CAMK1D: variants seen among roughly 807,000 people sequenced by gnomAD.
CAMK1D encodes the protein calcium/calmodulin dependent protein kinase ID.
A neutral mutation model predicts 47.7 loss-of-function variants in CAMK1D; 9 were observed. The observed-to-expected ratio is 0.19, with a 90% CI of 0.11 to 0.33. The LOEUF is 0.33. Ranked by LOEUF, CAMK1D falls within the 10% of genes least tolerant of loss-of-function variation. The pLI is 1.00. For missense variants in CAMK1D, 291 were observed against 488.7 expected (o/e 0.60, Z 3.81); for synonymous variants, 184 against 184.9 (o/e 0.99, Z 0.04).
At chr10:12,435,318 G>A (rs1351303599) in intron 1 of CAMK1D, among the ~76,000 whole-genome samples, 4 of 149,506 alleles carry the variant, frequency 2.7e-5, no homozygotes, top group Non-Finnish European at 4.4e-5. Context: ...TGATGGATCC[G>A]CCCTAGGTTT....
chr10:12,485,342 C>T (rs1470049686), intron 1 of CAMK1D, among the ~76,000 whole-genome samples: 2 of 152,134 alleles, frequency 1.3e-5, no homozygotes, highest in East Asian at 3.9e-4. Flanking sequence ...GTCAGAGCTT[C>T]CTGGGGATTC....
intron 2 of CAMK1D, among the ~76,000 whole-genome samples, chr10:12,556,347 A>C (rs961604390): frequency 7.2e-5 from 11 of 152,310 alleles, no homozygotes; most frequent in Admixed American, 5.2e-4. Flanking sequence ...CTGAGTTTAG[A>C]TAAGGTGCTC....
At chr10:12,779,219 G>C (rs970602971) in intron 5 of CAMK1D, among the ~76,000 whole-genome samples, 1 of 152,188 alleles carries the variant, frequency 6.6e-6, no homozygotes, top group Non-Finnish European at 1.5e-5. Flanking sequence ...ATTAAGTCAA[G>C]TATAACATTC....
intron 1 of CAMK1D, among the ~76,000 whole-genome samples, chr10:12,508,259 C>T (rs1312658071): frequency 1.3e-5 from 2 of 152,228 alleles, no homozygotes; most frequent in African/African-American, 4.8e-5. Flanking sequence ...CCCAAATTTC[C>T]GTTGACGGAT....
intron 4 of CAMK1D, among the ~76,000 whole-genome samples, chr10:12,762,396 G>C (rs1174037459): frequency 6.6e-6 from 1 of 152,160 alleles, no homozygotes; most frequent in Non-Finnish European, 1.5e-5. Context: ...CTGCTACTGG[G>C]TATTAAGGAA....
At chr10:12,506,239 C>A (rs375966761) in intron 1 of CAMK1D, among the ~76,000 whole-genome samples, 1 of 151,842 alleles carries the variant, frequency 6.6e-6, no homozygotes, top group Non-Finnish European at 1.5e-5. Flanking sequence ...GCCAACATGG[C>A]GAAACCCCCG....
chr10:12,771,910 T>C (rs1283437478), intron 5 of CAMK1D, among the ~76,000 whole-genome samples: 1 of 152,106 alleles, frequency 6.6e-6, no homozygotes, highest in Non-Finnish European at 1.5e-5. Flanking sequence ...GGCTCACACC[T>C]GTAGTCCCAG....
intron 3 of CAMK1D, among the ~76,000 whole-genome samples, chr10:12,741,898 G>A (rs1355021237): frequency 6.6e-6 from 1 of 152,130 alleles, no homozygotes; most frequent in Non-Finnish European, 1.5e-5. Flanking sequence ...CTCATTGTCT[G>A]GATGTGAGCT....
chr10:12,539,692 G>A (rs1161307386), intron 1 of CAMK1D, among the ~76,000 whole-genome samples: 1 of 152,220 alleles, frequency 6.6e-6, no homozygotes, highest in Non-Finnish European at 1.5e-5. Context: ...AGGAGATCTG[G>A]GAAGACCATA....
chr10:12,722,833 T>G (rs970787593), intron 3 of CAMK1D, among the ~76,000 whole-genome samples: 7 of 152,200 alleles, frequency 4.6e-5, no homozygotes, highest in African/African-American at 1.7e-4. Flanking sequence ...TGGGAACTAC[T>G]TGGAACAAGA....
rs564681248 is a variant in CAMK1D, at chr10:12,743,194, A to G, written c.300-17754A>G. Among the ~76,000 whole-genome samples, 5 of 152,142 alleles carry G rather than the reference A, an allele frequency of 3.3e-5. No individual in the cohort carries two copies. In the South Asian group the frequency reaches 1.0e-3, roughly 32 times the overall value. On this transcript the variant is annotated intron_variant, in intron 3 of 10. Transcript: ENST00000619168. ...AAACCCCATCCCTACTAAAAATACA[A>G]AAATTAGCCGGGCATGGTGGCAGGC...
At chr10:12,478,513 C>T (rs1446929488) in intron 1 of CAMK1D, among the ~76,000 whole-genome samples, 4 of 151,970 alleles carry the variant, frequency 2.6e-5, no homozygotes, top group Non-Finnish European at 5.9e-5. Context: ...CTTTATGTTG[C>T]CCAGGCTGGT....
At chr10:12,603,313 T>C (rs1258397066) in intron 2 of CAMK1D, among the ~76,000 whole-genome samples, 2 of 152,200 alleles carry the variant, frequency 1.3e-5, no homozygotes, top group Non-Finnish European at 2.9e-5. Context: ...TGCTGCGTCC[T>C]GCTGGGACAC....
At chr10:12,828,715 A>G (rs2482075) in intron 10 of CAMK1D, 54 bp from the exon 11 acceptor site, 1,242,774 of 1,437,040 alleles carry the variant, frequency 0.86, 538,670 homozygotes, top group African/African-American at 0.96. Flanking sequence ...AGTGGGAAGC[A>G]GGGTGAGAAT....
At chr10:12,826,165 C>T (rs1833201627) in intron 10 of CAMK1D, 1 of 159,894 alleles carries the variant, frequency 6.3e-6, no homozygotes, top group Admixed American at 5.9e-5. Context: ...TCATTGAACA[C>T]TCGTGGAACC....
intron 2 of CAMK1D, among the ~76,000 whole-genome samples, chr10:12,664,444 A>T (rs1337255530): frequency 6.6e-6 from 1 of 151,718 alleles, no homozygotes; most frequent in African/African-American, 2.4e-5. Flanking sequence ...ATAGGCTTTA[A>T]TTCTCTATCC....
At chr10:12,547,682 T>TCTCTCTTTCTCTCTCTCTCA (rs10643491) in intron 1 of CAMK1D, among the ~76,000 whole-genome samples, 1 of 116,508 alleles carries the variant, frequency 8.6e-6, no homozygotes, top group South Asian at 3.3e-4. Context: ...TTTCTCTCTC[T>TCTCTCTTTCTCTCTCTCTCA]CACACACACA....
chr10:12,385,895 C>T (rs570076259), intron 1 of CAMK1D, among the ~76,000 whole-genome samples: 11 of 151,976 alleles, frequency 7.2e-5, no homozygotes, highest in South Asian at 2.1e-4. Flanking sequence ...CACAGGCGTG[C>T]GCCACCGCGC....
chr10:12,803,745 G>A (rs753065562), intron 6 of CAMK1D, among the ~76,000 whole-genome samples: 4 of 152,134 alleles, frequency 2.6e-5, no homozygotes, highest in Non-Finnish European at 4.4e-5. Flanking sequence ...GCTCTGGACA[G>A]ATGCCCAGGT....
Sources: allele counts gnomAD v4.1 joint callset (sites outside exome capture counted in the v4.1 genomes callset), GRCh38; gene constraint gnomAD v4.1.1; transcripts MANE v1.5; gene names NCBI Gene and HGNC (gene_info 2026-07-23, HGNC 2026-07-21).